DPP10: variants seen among roughly 807,000 people sequenced by gnomAD.
DPP10 encodes inactive dipeptidyl peptidase 10.
A neutral mutation model predicts 120.9 loss-of-function variants in DPP10; 33 were observed. That is an observed-to-expected ratio of 0.27 (90% CI 0.21 to 0.37). The LOEUF (loss-of-function observed/expected upper bound fraction) is 0.37, where lower values mean the gene tolerates loss of function less well. Ranked by LOEUF, DPP10 falls within the 10% of genes least tolerant of loss-of-function variation. The pLI, the probability that DPP10 is intolerant of heterozygous loss-of-function variation, is 1.00. For missense variants in DPP10, 816 were observed against 942.8 expected, an observed-to-expected ratio of 0.87 and a Z score of 1.76; for synonymous variants, 337 against 326.1, an observed-to-expected ratio of 1.03 and a Z score of -0.36.
At chr2:114,729,414 G>A (rs951692589) in intron 1 of DPP10, among the ~76,000 whole-genome samples, 1 of 152,204 alleles carries the variant, frequency 6.6e-6, no homozygotes, top group African/African-American at 2.4e-5. Flanking sequence ...CGGGGATTTG[G>A]CATATTGACT....
intron 1 of DPP10, among the ~76,000 whole-genome samples, chr2:114,536,638 C>G (rs531906488): frequency 6.6e-6 from 1 of 152,218 alleles, no homozygotes; most frequent in Admixed American, 6.5e-5. Flanking sequence ...ATCTCCTGAC[C>G]TTGTGATCCA....
At chr2:115,769,753 CT>C (rs902482693) in intron 13 of DPP10, among the ~76,000 whole-genome samples, 5 of 151,700 alleles carry the variant, frequency 3.3e-5, no homozygotes, top group African/African-American at 4.8e-5. Flanking sequence ...ATTAAGGGAA[CT>C]TTTTTTATGA....
intron 5 of DPP10, among the ~76,000 whole-genome samples, chr2:115,623,742 T>A (rs1316090073): frequency 6.6e-6 from 1 of 152,182 alleles, no homozygotes; most frequent in Non-Finnish European, 1.5e-5. Context: ...CTCTCCTCTT[T>A]GTATAATTTC....
At chr2:115,053,453 C>A (rs1705665076) in intron 1 of DPP10, among the ~76,000 whole-genome samples, 1 of 152,112 alleles carries the variant, frequency 6.6e-6, no homozygotes, top group African/African-American at 2.4e-5. Context: ...TTAGTGGTTG[C>A]AAGTGGCAGG....
At chr2:115,066,075 G>C (rs768799590) in intron 1 of DPP10, among the ~76,000 whole-genome samples, 21 of 152,108 alleles carry the variant, frequency 1.4e-4, no homozygotes, top group Non-Finnish European at 2.5e-4. Context: ...TGTGTGACTT[G>C]ACAAGATCCA....
At chr2:115,658,141 T>C (rs990133757) in intron 5 of DPP10, among the ~76,000 whole-genome samples, 5 of 152,028 alleles carry the variant, frequency 3.3e-5, no homozygotes, top group African/African-American at 1.2e-4. Context: ...TGGAAGTACA[T>C]ATCCAAATAT....
chr2:115,498,703 A>G (rs2076531303), intron 3 of DPP10, among the ~76,000 whole-genome samples: 1 of 51,944 alleles, frequency 1.9e-5, no homozygotes. Flanking sequence ...TATATATATA[A>G]TTATGTATAA....
At chr2:115,479,834 G>A (rs1353818443) in intron 3 of DPP10, among the ~76,000 whole-genome samples, 1 of 152,090 alleles carries the variant, frequency 6.6e-6, no homozygotes, top group African/African-American at 2.4e-5. Flanking sequence ...GCCATATGCT[G>A]TTGTGCTGCT....
chr2:115,333,235 A>G (rs1359518506), intron 2 of DPP10, among the ~76,000 whole-genome samples: 3 of 152,128 alleles, frequency 2.0e-5, no homozygotes, highest in Admixed American at 6.6e-5. Context: ...ATCAGACACT[A>G]GGATTACAAC....
chr2:115,598,786 T>C (rs1296676329), intron 5 of DPP10, among the ~76,000 whole-genome samples: 1 of 149,146 alleles, frequency 6.7e-6, no homozygotes, highest in African/African-American at 2.5e-5. Context: ...CTGGTATAAT[T>C]TCCTAGTTTC....
intron 1 of DPP10, among the ~76,000 whole-genome samples, chr2:114,898,962 A>G (rs1693300861): frequency 6.6e-6 from 1 of 152,162 alleles, no homozygotes; most frequent in African/African-American, 2.4e-5. Context: ...GATGTGGACT[A>G]GAATCTTAAT....
intron 4 of DPP10, among the ~76,000 whole-genome samples, chr2:115,524,473 A>G (rs1182932935): frequency 3.3e-5 from 5 of 152,122 alleles, no homozygotes; most frequent in Admixed American, 3.3e-4. Flanking sequence ...ACTGGGGTAC[A>G]TCACCCTCCC....
chr2:115,558,631 CATT>C (rs1297875149), intron 5 of DPP10, among the ~76,000 whole-genome samples: 1 of 152,002 alleles, frequency 6.6e-6, no homozygotes, highest in Non-Finnish European at 1.5e-5. Context: ...AAACTGTACT[CATT>C]ATAGTATATT....
At chr2:114,982,394 A>C (rs1428874670) in intron 1 of DPP10, among the ~76,000 whole-genome samples, 1 of 152,072 alleles carries the variant, frequency 6.6e-6, no homozygotes, top group African/African-American at 2.4e-5. Flanking sequence ...ATGATCTATA[A>C]AGATAAAAAA....
chr2:115,774,976 G>A (rs1681918396), intron 13 of DPP10, among the ~76,000 whole-genome samples: 1 of 152,044 alleles, frequency 6.6e-6, no homozygotes, highest in Admixed American at 6.6e-5. Context: ...AAATTGAATT[G>A]CACAAATAAC....
chr2:114,573,773 T>C (rs1689837771), intron 1 of DPP10, among the ~76,000 whole-genome samples: 1 of 152,122 alleles, frequency 6.6e-6, no homozygotes, highest in Non-Finnish European at 1.5e-5. Flanking sequence ...GACTAACTGA[T>C]TGATAGGATG....
chr2:115,090,708 C>T (rs1709174516), intron 1 of DPP10, among the ~76,000 whole-genome samples: 2 of 151,872 alleles, frequency 1.3e-5, no homozygotes, highest in Non-Finnish European at 2.9e-5. Context: ...GTGAGGAGCA[C>T]TCTCTCTTAC....
chr2:115,370,737 T>C (rs922974828), intron 3 of DPP10, among the ~76,000 whole-genome samples: 1 of 152,096 alleles, frequency 6.6e-6, no homozygotes, highest in African/African-American at 2.4e-5. Context: ...AATTTTAGCA[T>C]GTATCAGAAT....
At chr2:115,436,395 A>C (rs907614367) in intron 3 of DPP10, among the ~76,000 whole-genome samples, 2 of 100,822 alleles carry the variant, frequency 2.0e-5, no homozygotes, top group Admixed American at 9.3e-5. Context: ...GCACATTGCA[A>C]AAAGATTTTT....
Sources: allele counts gnomAD v4.1 joint callset (sites outside exome capture counted in the v4.1 genomes callset), GRCh38; gene constraint gnomAD v4.1.1; transcripts MANE v1.5; gene names NCBI Gene and HGNC (gene_info 2026-07-23, HGNC 2026-07-21).